The following LRRC4C variants were observed in gnomAD, a reference collection of about 807,000 sequenced individuals.
LRRC4C encodes the protein leucine rich repeat containing 4C.
Under a neutral mutation model 33.6 loss-of-function variants are expected in LRRC4C, and 5 were observed. That is an observed-to-expected ratio of 0.15 (90% CI 0.08 to 0.31). LRRC4C has a LOEUF of 0.31. Ranked by LOEUF, LRRC4C falls within the 10% of genes least tolerant of loss-of-function variation. The pLI is 1.00. For synonymous variants in LRRC4C, 329 were observed against 302.0 expected (o/e 1.09, Z -0.93); for missense variants, 560 against 796.7 (o/e 0.70, Z 3.58).
chr11:41,373,592 C>T (rs1300021820), intron 1 of LRRC4C, among the ~76,000 whole-genome samples: 6 of 152,196 alleles, frequency 3.9e-5, no homozygotes, highest in Admixed American at 6.5e-5. Flanking sequence ...ATAATACTCT[C>T]GGAATATCTC....
intron 3 of LRRC4C, among the ~76,000 whole-genome samples, chr11:40,600,204 G>C (rs901733355): frequency 2.6e-5 from 4 of 152,122 alleles, no homozygotes; most frequent in African/African-American, 9.7e-5. Flanking sequence ...ACTAACACTG[G>C]TAATTTTTCT....
chr11:40,536,869 T>C (rs887972503), intron 3 of LRRC4C, among the ~76,000 whole-genome samples: 1 of 152,206 alleles, frequency 6.6e-6, no homozygotes, highest in Non-Finnish European at 1.5e-5. Context: ...ACAGCCATTG[T>C]CATCATCATC....
intron 1 of LRRC4C, among the ~76,000 whole-genome samples, chr11:40,947,175 A>G (rs938473498): frequency 3.9e-5 from 6 of 152,142 alleles, no homozygotes; most frequent in Non-Finnish European, 8.8e-5. Flanking sequence ...CATCTTAATC[A>G]TGTATGACTT....
At chr11:40,917,427 ATAT>A (rs1250918293) in intron 2 of LRRC4C, among the ~76,000 whole-genome samples, 8 of 152,158 alleles carry the variant, frequency 5.3e-5, no homozygotes, top group African/African-American at 1.9e-4. Flanking sequence ...CATTTGCAGG[ATAT>A]TATTTTTCTC....
At position 40,338,231 on chromosome 11, in the gene LRRC4C, T is replaced by C. The variant is rs574704904; in HGVS notation, c.-269-18510A>G. Among the ~76,000 whole-genome samples, 4 of 152,312 alleles carry C rather than the reference T, an allele frequency of 2.6e-5. No individual in the cohort carries two copies. In the South Asian group the frequency reaches 8.3e-4, roughly 32 times the overall value. On this transcript the variant is annotated intron_variant, in intron 3 of 6. Transcript: ENST00000528697. ...ATTCAATTTATGTCTCCTAAGAACA[T>C]GTTCTAAAGGTAGTAAATAAGTTCA...
intron 2 of LRRC4C, among the ~76,000 whole-genome samples, chr11:40,716,049 CAA>C (rs34904324): frequency 2.7e-5 from 4 of 149,782 alleles, no homozygotes; most frequent in African/African-American, 4.9e-5. Context: ...CAAAAACAAA[CAA>C]AAAAAAAACA....
chr11:40,695,918 C>T (rs1229716527), intron 2 of LRRC4C, among the ~76,000 whole-genome samples: 1 of 151,626 alleles, frequency 6.6e-6, no homozygotes, highest in Non-Finnish European at 1.5e-5. Flanking sequence ...ATAATATATT[C>T]ACAGGTTTCA....
chr11:40,424,361 C>G (rs1215386648), intron 3 of LRRC4C, among the ~76,000 whole-genome samples: 1 of 152,110 alleles, frequency 6.6e-6, no homozygotes, highest in Non-Finnish European at 1.5e-5. Flanking sequence ...TAAAAACTTT[C>G]AGCTTACCAC....
At chr11:40,673,155 A>T (rs1307167905) in intron 2 of LRRC4C, among the ~76,000 whole-genome samples, 1 of 152,176 alleles carries the variant, frequency 6.6e-6, no homozygotes, top group Non-Finnish European at 1.5e-5. Context: ...TCATTCAAAA[A>T]GTTTATTATG....
chr11:40,521,151 T>C (rs556308011), intron 3 of LRRC4C, among the ~76,000 whole-genome samples: 1 of 152,288 alleles, frequency 6.6e-6, no homozygotes, highest in Admixed American at 6.5e-5. Flanking sequence ...ATGGAGCTAA[T>C]GGGGAAATCA....
At chr11:40,188,013 G>C (rs1389396901) in intron 5 of LRRC4C, among the ~76,000 whole-genome samples, 1 of 152,080 alleles carries the variant, frequency 6.6e-6, no homozygotes, top group East Asian at 1.9e-4. Context: ...TATGTTTAAA[G>C]ATCTACTGTT....
chr11:40,727,970 G>C (rs1174851690), intron 2 of LRRC4C, among the ~76,000 whole-genome samples: 1 of 152,122 alleles, frequency 6.6e-6, no homozygotes, highest in African/African-American at 2.4e-5. Flanking sequence ...TTGAACCCAG[G>C]AGGCAGAGGT....
intron 2 of LRRC4C, among the ~76,000 whole-genome samples, chr11:40,799,433 A>G (rs1950955851): frequency 1.3e-5 from 2 of 152,234 alleles, no homozygotes; most frequent in Non-Finnish European, 2.9e-5. Context: ...TAGAGTTAAA[A>G]GATCATTGAC....
At chr11:40,866,198 G>T (rs1954361603) in intron 2 of LRRC4C, among the ~76,000 whole-genome samples, 1 of 144,248 alleles carries the variant, frequency 6.9e-6, no homozygotes. Context: ...GGTAAGAAAT[G>T]TGGTCTTTAT....
chr11:40,600,837 G>A (rs1326306346), intron 3 of LRRC4C, among the ~76,000 whole-genome samples: 1 of 150,394 alleles, frequency 6.6e-6, no homozygotes, highest in Non-Finnish European at 1.5e-5. Context: ...TGTTTGATTT[G>A]GTTAAATTTT....
intron 2 of LRRC4C, among the ~76,000 whole-genome samples, chr11:40,650,104 C>CA (rs950782893): frequency 1.0e-3 from 155 of 151,100 alleles, no homozygotes; most frequent in Non-Finnish European, 1.9e-3. Context: ...TGAAGAATTC[C>CA]AAAAAAAATA....
chr11:41,443,089 A>ATTT lies in LRRC4C; in HGVS notation c.-496+16339_-496+16341dup. On this transcript the variant is annotated intron_variant, in intron 1 of 6. Transcript: ENST00000528697. The stretch of plus-strand genomic sequence containing the variant: ...ATTTATTTATTTTTATGTTTGCTTC[A>ATTT]TTTTTTTTTTTTTTTTTTTTGCTTC... Among the ~76,000 whole-genome samples the ATTT allele has an allele frequency of 1.7e-3, 182 of 105,942 alleles. 6 individuals carry two copies. The highest frequency in any genetic ancestry group is 5.3e-3 in the African/African-American group (143 of 27,080). 69.5% of individuals were successfully genotyped at this position (105,942 alleles called of 152,430 possible).
chr11:40,141,296 G>A (rs1857348305), intron 5 of LRRC4C, among the ~76,000 whole-genome samples: 1 of 151,824 alleles, frequency 6.6e-6, no homozygotes, highest in South Asian at 2.1e-4. Flanking sequence ...ATTCTATTTG[G>A]GATTGCCCAC....
intron 1 of LRRC4C, among the ~76,000 whole-genome samples, chr11:41,233,804 A>T (rs138337460): frequency 6.6e-6 from 1 of 151,954 alleles, no homozygotes; most frequent in Non-Finnish European, 1.5e-5. Flanking sequence ...CAAAAGGGGA[A>T]AAAAATTGTG....
Sources: allele counts gnomAD v4.1 joint callset (sites outside exome capture counted in the v4.1 genomes callset), GRCh38; gene constraint gnomAD v4.1.1; transcripts MANE v1.5; gene names NCBI Gene and HGNC (gene_info 2026-07-23, HGNC 2026-07-21).